DNAJC1: variants seen among roughly 807,000 people sequenced by gnomAD.
DNAJC1 encodes dnaJ homolog subfamily C member 1.
A neutral mutation model predicts 76.6 loss-of-function variants in DNAJC1; 58 were observed. The observed-to-expected ratio is 0.76, with a 90% CI of 0.61 to 0.94. The LOEUF (loss-of-function observed/expected upper bound fraction) is 0.94. Ranked by LOEUF, DNAJC1 falls within the 40% of genes least tolerant of loss-of-function variation. The pLI, the probability that DNAJC1 is intolerant of heterozygous loss-of-function variation, is 0.00. For missense variants in DNAJC1, 689 were observed against 677.3 expected, an observed-to-expected ratio of 1.02 and a Z score of -0.19; for synonymous variants, 258 against 267.9, an observed-to-expected ratio of 0.96 and a Z score of 0.36.
intron 9 of DNAJC1, among the ~76,000 whole-genome samples, chr10:21,781,055 T>C (rs969316282): frequency 6.6e-6 from 1 of 152,202 alleles, no homozygotes; most frequent in Non-Finnish European, 1.5e-5. Context: ...CTATCCTAAA[T>C]ATATATGCAC....
At chr10:21,908,050 A>G (rs1215255202) in intron 6 of DNAJC1, among the ~76,000 whole-genome samples, 3 of 119,442 alleles carry the variant, frequency 2.5e-5, no homozygotes, top group Non-Finnish European at 4.9e-5. Flanking sequence ...TATAATATAT[A>G]AATATATATA....
intron 9 of DNAJC1, among the ~76,000 whole-genome samples, chr10:21,797,421 A>C (rs991722559): frequency 1.3e-5 from 2 of 152,234 alleles, no homozygotes; most frequent in African/African-American, 4.8e-5. Flanking sequence ...GTTGTTCTAG[A>C]TATTGGGGGT....
chr10:21,806,187 A>G (rs1334646441), intron 8 of DNAJC1, 88 bp from the exon 9 acceptor site: 5 of 1,423,522 alleles, frequency 3.5e-6, no homozygotes, highest in Non-Finnish European at 4.7e-6. Context: ...TTGAGAGATA[A>G]TTGCTGTGAA....
chr10:21,931,024 G>A (rs1384280546), intron 1 of DNAJC1, among the ~76,000 whole-genome samples: 1 of 152,084 alleles, frequency 6.6e-6, no homozygotes, highest in African/African-American at 2.4e-5. Flanking sequence ...GCATTTCCCT[G>A]CTTCCAGTCT....
chr10:21,785,587 T>G (rs1834594909), intron 9 of DNAJC1: 1 of 152,172 alleles, frequency 6.6e-6, no homozygotes, highest in Non-Finnish European at 1.5e-5. Flanking sequence ...AGAATTCCTT[T>G]GAAAAATAAA....
At chr10:21,782,934 A>G (rs189631932) in intron 9 of DNAJC1, among the ~76,000 whole-genome samples, 35 of 152,356 alleles carry the variant, frequency 2.3e-4, no homozygotes, top group Non-Finnish European at 4.9e-4. Context: ...ACAAACCCAC[A>G]GCCAATATCA....
chr10:21,813,670 G>C (rs1335104985), intron 8 of DNAJC1, among the ~76,000 whole-genome samples: 2 of 152,178 alleles, frequency 1.3e-5, no homozygotes, highest in Non-Finnish European at 2.9e-5. Context: ...TTACAGGCGT[G>C]AGCCACTGCG....
At chr10:21,904,404 TG>T (rs1360604802) in intron 7 of DNAJC1, 117 bp downstream of exon 7, 4 of 584,262 alleles carry the variant, frequency 6.8e-6, no homozygotes, top group African/African-American at 2.0e-5. Flanking sequence ...CACTAGGGAG[TG>T]GGAAAAAAAA....
At chr10:22,003,106 G>A (rs1222388957) in intron 1 of DNAJC1, 107 bp downstream of exon 1, 54 of 1,338,942 alleles carry the variant, frequency 4.0e-5, no homozygotes, top group Non-Finnish European at 5.2e-5. Flanking sequence ...GCCAGAGCCC[G>A]GGGTGACCAA....
intron 8 of DNAJC1, among the ~76,000 whole-genome samples, chr10:21,833,787 T>C (rs888392352): frequency 1.3e-5 from 2 of 152,166 alleles, no homozygotes; most frequent in African/African-American, 2.4e-5. Context: ...ACTCACACTC[T>C]TCCACCAGCA....
In DNAJC1 at chr10:21,920,865, A is replaced by G. The variant is rs375039357; in HGVS notation, c.470T>C (p.Leu157Pro). Residue 157 changes from leucine (L) to proline (P), a missense_variant, in exon 4 of 12, where the codon CTC becomes CCC. Coordinates refer to ENST00000376980, the MANE Select transcript of DNAJC1 (RefSeq NM_022365.4). ...RKMSNAELAL[L>P]LFIILTVGHY... ...ACCCACTGTGAGAATAATGAACAAG[A>G]GTAATGCCAGCTCAGCATTGCTCAT... The G allele has an allele frequency of 2.5e-6, 4 of 1,613,254 alleles. No homozygotes were observed. The South Asian group carries it at 4.4e-5, about 18-fold the overall frequency.
intron 3 of DNAJC1, among the ~76,000 whole-genome samples, chr10:21,927,914 T>A (rs975344553): frequency 1.3e-5 from 2 of 152,144 alleles, no homozygotes; most frequent in Non-Finnish European, 2.9e-5. Context: ...AGGGGCTACC[T>A]CCACTCTGAA....
At chr10:21,817,594 G>A (rs1203358664) in intron 8 of DNAJC1, among the ~76,000 whole-genome samples, 1 of 151,960 alleles carries the variant, frequency 6.6e-6, no homozygotes, top group African/African-American at 2.4e-5. Context: ...GTTCATACAA[G>A]AGCCAAATTA....
intron 7 of DNAJC1, among the ~76,000 whole-genome samples, chr10:21,902,722 C>G (rs1349855196): frequency 1.3e-5 from 2 of 152,264 alleles, no homozygotes; most frequent in East Asian, 1.9e-4. Context: ...TAGTGATAAA[C>G]ACTTCATGTT....
intron 7 of DNAJC1, among the ~76,000 whole-genome samples, chr10:21,897,775 G>A (rs533083533): frequency 6.6e-6 from 1 of 152,232 alleles, no homozygotes; most frequent in East Asian, 1.9e-4. Context: ...CATACTTAAC[G>A]GTGTAATACT....
chr10:21,967,054 C>T (rs1356747676), intron 1 of DNAJC1, among the ~76,000 whole-genome samples: 8 of 143,696 alleles, frequency 5.6e-5, no homozygotes, highest in African/African-American at 1.8e-4. Flanking sequence ...AAATTTTTTA[C>T]AGTCTTACTG....
chr10:21,869,865 C>T (rs1361900392), intron 8 of DNAJC1, among the ~76,000 whole-genome samples: 1 of 152,024 alleles, frequency 6.6e-6, no homozygotes, highest in Non-Finnish European at 1.5e-5. Flanking sequence ...AACTGGGTGA[C>T]AGGTACAGAG....
At chr10:21,903,696 G>C (rs1178982999) in intron 7 of DNAJC1, among the ~76,000 whole-genome samples, 2 of 152,100 alleles carry the variant, frequency 1.3e-5, no homozygotes, top group Non-Finnish European at 2.9e-5. Context: ...GAAGGATTGT[G>C]ATAGACTGAA....
chr10:21,892,360 C>A, intron 7 of DNAJC1, among the ~76,000 whole-genome samples: 1 of 146,858 alleles, frequency 6.8e-6, no homozygotes, highest in East Asian at 2.0e-4. Context: ...CTATTTAACA[C>A]ACACACACAC....
Sources: allele counts gnomAD v4.1 joint callset (sites outside exome capture counted in the v4.1 genomes callset), GRCh38; gene constraint gnomAD v4.1.1; transcripts MANE v1.5; gene names NCBI Gene and HGNC (gene_info 2026-07-23, HGNC 2026-07-21).